NECAB1: variants seen among roughly 807,000 people sequenced by gnomAD.
NECAB1 encodes N-terminal EF-hand calcium-binding protein 1.
Under a neutral mutation model 57.5 loss-of-function variants are expected in NECAB1, and 29 were observed. The ratio of observed to expected loss-of-function variants is 0.50; its 90% CI spans 0.38 to 0.69. The LOEUF (loss-of-function observed/expected upper bound fraction) is 0.69. NECAB1 is among the 30% of genes least tolerant of loss of function. The pLI is 0.00. For synonymous variants in NECAB1, 142 were observed against 147.7 expected, an observed-to-expected ratio of 0.96 and a Z score of 0.28; for missense variants, 372 against 413.8, an observed-to-expected ratio of 0.90 and a Z score of 0.88.
intron 9 of NECAB1, chr8:90,940,492 TA>T: frequency 3.5e-6 from 1 of 287,334 alleles, no homozygotes; most frequent in East Asian, 6.7e-5. Context: ...GAGATTTTGA[TA>T]TAAAGATAAT....
At chr8:90,937,125 G>A (rs1810557752) in intron 9 of NECAB1, among the ~76,000 whole-genome samples, 1 of 152,096 alleles carries the variant, frequency 6.6e-6, no homozygotes, top group African/African-American at 2.4e-5. Context: ...GAGTTTCCAG[G>A]GCCACCTCAA....
At chr8:90,955,405 C>G in intron 12 of NECAB1, 82 bp from the exon 13 acceptor site, 1 of 1,019,810 alleles carries the variant, frequency 9.8e-7, no homozygotes, top group Non-Finnish European at 1.5e-6. Flanking sequence ...GGAATGGTCT[C>G]TTTAGAAATA....
chr8:90,828,657 C>T (rs1484385573), intron 3 of NECAB1, among the ~76,000 whole-genome samples: 1 of 151,986 alleles, frequency 6.6e-6, no homozygotes, highest in African/African-American at 2.4e-5. Context: ...CCCAGCTTTC[C>T]ATCACCTTTT....
intron 9 of NECAB1, among the ~76,000 whole-genome samples, chr8:90,939,058 G>A (rs1008067740): frequency 6.6e-6 from 1 of 152,096 alleles, no homozygotes; most frequent in Non-Finnish European, 1.5e-5. Context: ...TCTTGTTTTT[G>A]TTCATAAAGT....
At chr8:90,951,681 G>T (rs1228511630) in intron 12 of NECAB1, among the ~76,000 whole-genome samples, 1 of 151,820 alleles carries the variant, frequency 6.6e-6, no homozygotes, top group African/African-American at 2.4e-5. Context: ...AGCTACAAAG[G>T]GTACAAACTA....
chr8:90,948,868 C>T (rs950149158), intron 10 of NECAB1, among the ~76,000 whole-genome samples: 2 of 152,174 alleles, frequency 1.3e-5, no homozygotes, highest in East Asian at 1.9e-4. Context: ...GCTCTAGCCA[C>T]GTCACTCTCC....
chr8:90,844,260 C>T (rs1812513733), intron 3 of NECAB1, among the ~76,000 whole-genome samples: 1 of 152,060 alleles, frequency 6.6e-6, no homozygotes, highest in Non-Finnish European at 1.5e-5. Flanking sequence ...GTCTTCATTC[C>T]CACTTGACCT....
intron 2 of NECAB1, among the ~76,000 whole-genome samples, chr8:90,824,278 A>C (rs1375542243): frequency 6.6e-6 from 1 of 151,872 alleles, no homozygotes. Context: ...GTTAGACTAT[A>C]ATAACAACTC....
At chr8:90,833,888 C>G (rs1260520022) in intron 3 of NECAB1, among the ~76,000 whole-genome samples, 1 of 152,006 alleles carries the variant, frequency 6.6e-6, no homozygotes, top group African/African-American at 2.4e-5. Context: ...CTCAGCCAGG[C>G]GTGGTGGCTC....
At chr8:90,871,093 C>T (rs1563512056) in intron 3 of NECAB1, among the ~76,000 whole-genome samples, 1 of 152,248 alleles carries the variant, frequency 6.6e-6, no homozygotes, top group East Asian at 1.9e-4. Flanking sequence ...GCAAACCTGG[C>T]TACTAATTAA....
intron 10 of NECAB1, among the ~76,000 whole-genome samples, chr8:90,942,645 A>G (rs1810699972): frequency 6.6e-6 from 1 of 152,190 alleles, no homozygotes; most frequent in African/African-American, 2.4e-5. Flanking sequence ...GCACTTTGGG[A>G]GGCCGAGGCA....
rs1811605001 is a variant in NECAB1 at position 90,793,239 on chromosome 8, A to G, written c.99+1254A>G. ...AATGGATTGGCTAGAATTCTTTTTA[A>G]TTCTAGGGAAAGAAACTCCTATCAA... On this transcript the variant is annotated intron_variant, in intron 1 of 12. Coordinates refer to ENST00000417640, the MANE Select transcript of NECAB1 (RefSeq NM_022351.5). 3.9e-5 allele frequency among the ~76,000 whole-genome samples: 6 copies of G among 152,282 alleles called. No individual in the cohort carries two copies. The South Asian group carries it at 1.2e-3, about 32-fold the overall frequency.
intron 3 of NECAB1, among the ~76,000 whole-genome samples, chr8:90,829,184 G>C (rs959470165): frequency 6.6e-6 from 1 of 151,998 alleles, no homozygotes; most frequent in Non-Finnish European, 1.5e-5. Context: ...AAATTTGTTT[G>C]TAAAAGAAAC....
chr8:90,933,723 T>C (rs1810464493), intron 8 of NECAB1, among the ~76,000 whole-genome samples: 2 of 151,370 alleles, frequency 1.3e-5, no homozygotes, highest in African/African-American at 4.9e-5. Flanking sequence ...CAAAAACCTA[T>C]GGAAATAAAA....
chr8:90,924,569 T>C (rs914509900), intron 6 of NECAB1, among the ~76,000 whole-genome samples: 7 of 152,186 alleles, frequency 4.6e-5, no homozygotes, highest in African/African-American at 1.4e-4. Context: ...TTAAGTATTA[T>C]GTCCTTACAG....
At chr8:90,953,837 G>A (rs1395852563) in intron 12 of NECAB1, among the ~76,000 whole-genome samples, 2 of 152,146 alleles carry the variant, frequency 1.3e-5, no homozygotes, top group Non-Finnish European at 2.9e-5. Context: ...GGGAGGCGAA[G>A]GTGGGCAGAT....
intron 3 of NECAB1, among the ~76,000 whole-genome samples, chr8:90,843,889 A>C (rs1446209830): frequency 6.6e-6 from 1 of 152,224 alleles, no homozygotes; most frequent in Non-Finnish European, 1.5e-5. Context: ...TGAGTTCAGC[A>C]GAGCTAAGGG....
chr8:90,915,310 C>A (rs1360131890), intron 5 of NECAB1, among the ~76,000 whole-genome samples: 1 of 151,940 alleles, frequency 6.6e-6, no homozygotes, highest in African/African-American at 2.4e-5. Flanking sequence ...TTCTTTCAAC[C>A]TCAAAGAAAA....
intron 3 of NECAB1, among the ~76,000 whole-genome samples, chr8:90,864,129 GA>G (rs754330504): frequency 6.6e-6 from 1 of 151,838 alleles, no homozygotes; most frequent in East Asian, 1.9e-4. Flanking sequence ...TATACTTTTC[GA>G]AAAAATGTCA....
Sources: gnomAD v4.1 joint callset for allele counts (sites outside exome capture counted in the v4.1 genomes callset) on GRCh38, gnomAD v4.1.1 for gene constraint, MANE v1.5 for transcripts, NCBI Gene and HGNC (gene_info 2026-07-23, HGNC 2026-07-21) for gene names.